The following SULT1E1 variants were observed in gnomAD, a reference collection of about 807,000 sequenced individuals.
SULT1E1 encodes sulfotransferase family 1E member 1.
Under a neutral mutation model 33.6 loss-of-function variants are expected in SULT1E1, and 36 were observed. That is an observed-to-expected ratio of 1.07 (90% CI 0.82 to 1.41). SULT1E1 has a LOEUF of 1.41. Ranked by LOEUF, SULT1E1 falls within the 40% of genes most tolerant of loss-of-function variation. SULT1E1 has a pLI of 0.00. For synonymous variants in SULT1E1, 121 were observed against 111.7 expected (o/e 1.08, Z -0.53); for missense variants, 371 against 345.7 (o/e 1.07, Z -0.58).
the SULT1E1 span, among the ~76,000 whole-genome samples, chr4:69,821,520 A>T: frequency 1.3e-5 from 2 of 152,324 alleles, no homozygotes; most frequent in Admixed American, 1.3e-4. Context: ...TCATTTGAAT[A>T]TCCTTTGCTT....
At chr4:69,845,713 T>C (rs917760083) in intron 6 of SULT1E1, among the ~76,000 whole-genome samples, 5 of 151,460 alleles carry the variant, frequency 3.3e-5, no homozygotes, top group Non-Finnish European at 7.4e-5. Context: ...ATGGCTATTA[T>C]TGACCAAAAT....
chr4:69,843,619 CT>C (rs1190394310), intron 7 of SULT1E1, among the ~76,000 whole-genome samples: 1 of 152,140 alleles, frequency 6.6e-6, no homozygotes, highest in Non-Finnish European at 1.5e-5. Context: ...CTGGCTATAT[CT>C]CATCAGGCTA....
At position 69,852,623 on chromosome 4, in the gene SULT1E1, C is replaced by T. The variant is rs369049101; in HGVS notation, c.369+1594G>A. Among the ~76,000 whole-genome samples the T allele has an allele frequency of 1.9e-3, 287 of 152,232 alleles. 1 individual carries two copies. Among genetic ancestry groups the T allele is most frequent in the African/African-American group, 6.4e-3 (265 of 41,562 alleles). ...TTCTCTTTATCACTTACAGTTTCTG[C>T]TCCATCATTCCAAATATCCTGTATC... On this transcript the variant is annotated intron_variant, in intron 4 of 7. Coordinates refer to ENST00000226444, the MANE Select transcript of SULT1E1 (RefSeq NM_005420.3).
At chr4:69,834,526 A>G in the SULT1E1 span, among the ~76,000 whole-genome samples, 7 of 152,116 alleles carry the variant, frequency 4.6e-5, no homozygotes, top group East Asian at 7.7e-4. Flanking sequence ...TCTTCTTTCA[A>G]TTGGATAACA....
chr4:69,828,224 C>T, the SULT1E1 span, among the ~76,000 whole-genome samples: 1 of 152,226 alleles, frequency 6.6e-6, no homozygotes, highest in African/African-American at 2.4e-5. Context: ...GCCACCCAAG[C>T]CAGCAGCGGC....
the SULT1E1 span, among the ~76,000 whole-genome samples, chr4:69,826,755 A>C: frequency 6.6e-6 from 1 of 152,292 alleles, no homozygotes; most frequent in East Asian, 1.9e-4. Flanking sequence ...ACTATCCTGC[A>C]GCTTGACCTT....
the SULT1E1 span, among the ~76,000 whole-genome samples, chr4:69,824,647 A>G: frequency 1.3e-5 from 2 of 152,130 alleles, no homozygotes; most frequent in Non-Finnish European, 2.9e-5. Context: ...AAATGCACCA[A>G]TCAGCACTCT....
chr4:69,855,285 T>A lies in SULT1E1; in HGVS notation c.271+16A>T. The A allele has an allele frequency of 6.2e-7, 1 of 1,607,550 alleles. No homozygotes were observed. Among genetic ancestry groups the A allele is most frequent in the East Asian group, 2.2e-5 (1 of 44,708 alleles). Reference sequence around the variant, plus strand: ...GAATATATGCAAATAGTTTTTAAAATCAACTTGAACGTTACCATTCATGAG... The same window carrying A: ...GAATATATGCAAATAGTTTTTAAAAACAACTTGAACGTTACCATTCATGAG... On this transcript the variant is annotated intron_variant, in intron 3 of 7. Transcript: ENST00000226444.
chr4:69,854,413 C>T (rs1721194388), intron 3 of SULT1E1, 99 bp from the exon 4 acceptor site: 1 of 735,818 alleles, frequency 1.4e-6, no homozygotes, highest in Non-Finnish European at 2.1e-6. Flanking sequence ...TTCTAAGATT[C>T]TATATTGTAA....
At chr4:69,831,092 A>C in the SULT1E1 span, among the ~76,000 whole-genome samples, 3 of 152,106 alleles carry the variant, frequency 2.0e-5, no homozygotes, top group Non-Finnish European at 4.4e-5. Context: ...GCATGTACCC[A>C]CTCGGATTTA....
intron 6 of SULT1E1, among the ~76,000 whole-genome samples, chr4:69,846,305 C>CAAAAAAAAAAAA (rs34408656): frequency 1.4e-3 from 153 of 106,938 alleles, no homozygotes; most frequent in East Asian, 3.3e-3. Context: ...ACAAAACAAT[C>CAAAAAAAAAAAA]AAAAAAAAAA....
chr4:69,832,000 G>C, the SULT1E1 span, among the ~76,000 whole-genome samples: 8 of 152,314 alleles, frequency 5.3e-5, 2 homozygotes, highest in East Asian at 1.9e-4. Context: ...TACCATGTCA[G>C]TTGGGGTATA....
rs191568475 is a variant in SULT1E1, at chr4:69,856,043, A to T, written c.146-617T>A. ...TTTGACAAGAAATGCCTTTGAGAGGATGTGATCCTTCAGCTTAGCCTTAAT... is the reference window on the plus strand; with the variant it reads ...TTTGACAAGAAATGCCTTTGAGAGGTTGTGATCCTTCAGCTTAGCCTTAAT... On this transcript the variant is annotated intron_variant, in intron 2 of 7. Coordinates refer to ENST00000226444, the MANE Select transcript of SULT1E1 (RefSeq NM_005420.3). Among the ~76,000 whole-genome samples the T allele has an allele frequency of 1.4e-3, 206 of 152,272 alleles. 1 individual carries two copies. The highest frequency in any genetic ancestry group is 4.6e-3 in the African/African-American group (192 of 41,554).
the SULT1E1 span, among the ~76,000 whole-genome samples, chr4:69,825,150 C>G: frequency 2.3e-3 from 355 of 151,786 alleles, no homozygotes; most frequent in African/African-American, 8.4e-3. Flanking sequence ...ATGAACCCAC[C>G]AGGAGGAACA....
At chr4:69,847,603 T>C (rs1721004632) in intron 6 of SULT1E1, 95 bp downstream of exon 6, 1 of 743,472 alleles carries the variant, frequency 1.3e-6, no homozygotes, top group South Asian at 2.4e-5. Context: ...ATGGCTGTCA[T>C]CATTTATTTA....
At chr4:69,827,888 G>C in the SULT1E1 span, among the ~76,000 whole-genome samples, 1 of 152,128 alleles carries the variant, frequency 6.6e-6, no homozygotes, top group East Asian at 1.9e-4. Flanking sequence ...CTTTAAAAAA[G>C]ATTGTCCAAT....
chr4:69,826,931 G>A, the SULT1E1 span, among the ~76,000 whole-genome samples: 1 of 151,812 alleles, frequency 6.6e-6, no homozygotes, highest in South Asian at 2.1e-4. Flanking sequence ...TCCTATTAAT[G>A]ATAAGCCTCC....
At chr4:69,827,857 T>A in the SULT1E1 span, among the ~76,000 whole-genome samples, 4 of 152,180 alleles carry the variant, frequency 2.6e-5, no homozygotes, top group Admixed American at 2.6e-4. Flanking sequence ...GGGCTTGTTA[T>A]CAGTGTGGTT....
the SULT1E1 span, among the ~76,000 whole-genome samples, chr4:69,833,644 T>C: frequency 0.98 from 149,224 of 152,316 alleles, 73,173 homozygotes; most frequent in East Asian, 1. Context: ...GCACATGCCT[T>C]TTCTTGCCAT....
Sources: allele counts gnomAD v4.1 joint callset (sites outside exome capture counted in the v4.1 genomes callset), GRCh38; gene constraint gnomAD v4.1.1; transcripts MANE v1.5; gene names NCBI Gene and HGNC (gene_info 2026-07-23, HGNC 2026-07-21).